Variants in MSR1 observed in about 807,000 individuals in gnomAD.
The protein encoded by MSR1 is macrophage scavenger receptor 1.
In MSR1, 53 loss-of-function variants were observed where a neutral mutation model predicts 47.2. The ratio of observed to expected loss-of-function variants is 1.12; its 90% confidence interval spans 0.90 to 1.41. The LOEUF is 1.41. MSR1 is among the 40% of genes most tolerant of loss of function. MSR1 has a pLI of 0.00. For missense variants in MSR1, 786 were observed against 546.9 expected (o/e 1.44, Z -4.36); for synonymous variants, 239 against 185.6 (o/e 1.29, Z -2.34).
At chr8:16,126,855 C>G (rs1196080754) in intron 8 of MSR1, among the ~76,000 whole-genome samples, 4 of 152,048 alleles carry the variant, frequency 2.6e-5, no homozygotes, top group Non-Finnish European at 5.9e-5. Context: ...CTGCACCCGG[C>G]CATAGGTATA....
chr8:16,120,746 A>G (rs1656089712), intron 8 of MSR1, 140 bp from the exon 9 acceptor site: 1 of 1,084,922 alleles, frequency 9.2e-7, no homozygotes, highest in East Asian at 2.6e-5. Flanking sequence ...ATTGGAATAA[A>G]TATTAAACTT....
intron 8 of MSR1, among the ~76,000 whole-genome samples, chr8:16,128,062 T>C (rs1049112833): frequency 4.4e-4 from 67 of 152,276 alleles, no homozygotes; most frequent in African/African-American, 1.6e-3. Flanking sequence ...GAAATTGTTC[T>C]CATAACTATA....
At chr8:16,184,666 T>C (rs992767146) in intron 1 of MSR1, among the ~76,000 whole-genome samples, 1 of 152,190 alleles carries the variant, frequency 6.6e-6, no homozygotes, top group Non-Finnish European at 1.5e-5. Flanking sequence ...TATTGTTTGC[T>C]TTGGCAGTAG....
At chr8:16,137,698 A>G (rs532006419) in intron 8 of MSR1, among the ~76,000 whole-genome samples, 1 of 152,250 alleles carries the variant, frequency 6.6e-6, no homozygotes, top group Non-Finnish European at 1.5e-5. Context: ...ATAATGCACC[A>G]AAAACCCTGT....
chr8:16,145,712 T>TA lies in MSR1; in HGVS notation c.980-2102dup, dbSNP rs541362214. 1.4e-3 allele frequency among the ~76,000 whole-genome samples: 211 copies of TA among 152,170 alleles called. 1 individual carries two copies. The highest frequency in any genetic ancestry group is 4.4e-3 in the African/African-American group (182 of 41,546). ...TAAAATAAAATGCCTTATCTCCTTA[T>TA]AAAAAAACAAACAAATGTTTTGTAT... On this transcript the variant is annotated intron_variant, in intron 7 of 9. Transcript: ENST00000262101.
chr8:16,154,949 C>T, intron 6 of MSR1, 115 bp downstream of exon 6: 4 of 857,758 alleles, frequency 4.7e-6, no homozygotes, highest in Non-Finnish European at 7.6e-6. Flanking sequence ...CACACACACA[C>T]ACATACACAT....
chr8:16,130,744 T>C (rs2117083327), intron 8 of MSR1, among the ~76,000 whole-genome samples: 1 of 152,106 alleles, frequency 6.6e-6, no homozygotes, highest in African/African-American at 2.4e-5. Flanking sequence ...TTTGGTTTTC[T>C]GCTTGTGTGT....
intron 1 of MSR1, among the ~76,000 whole-genome samples, chr8:16,190,867 A>C (rs557727299): frequency 1.3e-5 from 2 of 151,944 alleles, no homozygotes; most frequent in Non-Finnish European, 2.9e-5. Context: ...GATTACAAGC[A>C]TGCACCACCA....
chr8:16,128,193 G>A (rs1010859864), intron 8 of MSR1, among the ~76,000 whole-genome samples: 3 of 152,122 alleles, frequency 2.0e-5, no homozygotes, highest in Non-Finnish European at 2.9e-5. Context: ...GCCGTGTGCT[G>A]CAGAGATCCT....
At chr8:16,128,915 T>G (rs1019314077) in intron 8 of MSR1, among the ~76,000 whole-genome samples, 1 of 152,164 alleles carries the variant, frequency 6.6e-6, no homozygotes, top group Admixed American at 6.6e-5. Flanking sequence ...TTACACTCTG[T>G]GATTGATAAA....
At chr8:16,157,750 C>T (rs1651973913) in intron 5 of MSR1, among the ~76,000 whole-genome samples, 1 of 151,952 alleles carries the variant, frequency 6.6e-6, no homozygotes, top group Non-Finnish European at 1.5e-5. Flanking sequence ...CTAGCCTCCT[C>T]TCCATTCCCA....
At chr8:16,129,059 G>C (rs923731200) in intron 8 of MSR1, among the ~76,000 whole-genome samples, 1 of 152,038 alleles carries the variant, frequency 6.6e-6, no homozygotes, top group Non-Finnish European at 1.5e-5. Flanking sequence ...TCATTTTATA[G>C]GGGAAATAAG....
At chr8:16,186,732 A>G (rs1802011258) in intron 1 of MSR1, among the ~76,000 whole-genome samples, 1 of 151,704 alleles carries the variant, frequency 6.6e-6, no homozygotes, top group Admixed American at 6.6e-5. Flanking sequence ...CCTGGGTTCA[A>G]GTGATTCTTC....
At chr8:16,111,943 G>C (rs351543) in intron 9 of MSR1, among the ~76,000 whole-genome samples, 26,557 of 151,398 alleles carry the variant, frequency 0.18, 3,863 homozygotes, top group African/African-American at 0.4. Context: ...TTCATTATTA[G>C]ACTTACTTAT....
At chr8:16,116,169 A>C (rs1352962381) in intron 9 of MSR1, among the ~76,000 whole-genome samples, 1 of 152,190 alleles carries the variant, frequency 6.6e-6, no homozygotes, top group Non-Finnish European at 1.5e-5. Flanking sequence ...TGAGCAATAC[A>C]ACATTGTGAG....
intron 8 of MSR1, among the ~76,000 whole-genome samples, chr8:16,135,239 A>G (rs2117093203): frequency 6.6e-6 from 1 of 152,304 alleles, no homozygotes; most frequent in African/African-American, 2.4e-5. Context: ...AAAGCTTTGA[A>G]GTATAGGCTA....
Position 16,108,401 on chromosome 8 carries a change from T to C in MSR1, c.*1684A>G, listed in dbSNP as rs1056629396. On this transcript the variant is annotated 3_prime_UTR_variant, in exon 10 of 10. Transcript: ENST00000262101. Reference sequence around the variant, plus strand: ...ACATCCCATGCATACCACTTACGCATAAGTAGTAAATCAGCATACATATAC... The same window carrying C: ...ACATCCCATGCATACCACTTACGCACAAGTAGTAAATCAGCATACATATAC... 9 of 151,908 alleles carry C rather than the reference T, an allele frequency of 5.9e-5. No homozygotes were observed. Among genetic ancestry groups the C allele is most frequent in the Admixed American group, 5.9e-4 (9 of 15,242 alleles). 9.4% of individuals were successfully genotyped at this position (151,908 alleles called of 1,614,324 possible).
intron 1 of MSR1, among the ~76,000 whole-genome samples, chr8:16,188,498 A>T (rs1462583066): frequency 2.0e-5 from 3 of 151,976 alleles, no homozygotes; most frequent in Admixed American, 6.6e-5. Context: ...CAAACTTGAA[A>T]TTTTTTTTAT....
At chr8:16,127,769 G>A (rs1322088995) in intron 8 of MSR1, among the ~76,000 whole-genome samples, 1 of 152,204 alleles carries the variant, frequency 6.6e-6, no homozygotes, top group East Asian at 1.9e-4. Context: ...GCCATCTGTG[G>A]GAATTGTAAT....
Sources: gnomAD v4.1 joint callset for allele counts (sites outside exome capture counted in the v4.1 genomes callset) on GRCh38, gnomAD v4.1.1 for gene constraint, MANE v1.5 for transcripts, NCBI Gene and HGNC (gene_info 2026-07-23, HGNC 2026-07-21) for gene names.